SLC5A4: variants seen among roughly 807,000 people sequenced by gnomAD.
The protein encoded by SLC5A4 is solute carrier family 5 member 4.
A neutral mutation model predicts 70.3 loss-of-function variants in SLC5A4; 55 were observed. The ratio of observed to expected loss-of-function variants is 0.78; its 90% confidence interval spans 0.63 to 0.98. The LOEUF (loss-of-function observed/expected upper bound fraction) is 0.98. Ranked by LOEUF, SLC5A4 falls within the 50% of genes least tolerant of loss-of-function variation. The pLI is 0.00. For missense variants in SLC5A4, 735 were observed against 839.2 expected, an observed-to-expected ratio of 0.88 and a Z score of 1.53; for synonymous variants, 268 against 305.7, an observed-to-expected ratio of 0.88 and a Z score of 1.29.
At chr22:32,353,701 C>T in the SLC5A4 span, among the ~76,000 whole-genome samples, 5 of 152,026 alleles carry the variant, frequency 3.3e-5, no homozygotes, top group African/African-American at 1.2e-4. Flanking sequence ...CCAACCTGCC[C>T]TTGCTTCGGA....
chr22:32,271,385 T>G, the SLC5A4 span: 97 of 759,052 alleles, frequency 1.3e-4, no homozygotes, highest in Non-Finnish European at 2.0e-4. Flanking sequence ...AGAGCACACC[T>G]TACCTGCTGG....
At chr22:32,340,676 G>A in the SLC5A4 span, among the ~76,000 whole-genome samples, 1 of 152,148 alleles carries the variant, frequency 6.6e-6, no homozygotes, top group Admixed American at 6.6e-5. Context: ...TATCCCGGAG[G>A]GGAGAGGTCT....
At chr22:32,298,272 T>C in the SLC5A4 span, among the ~76,000 whole-genome samples, 1 of 136,618 alleles carries the variant, frequency 7.3e-6, no homozygotes, top group Non-Finnish European at 1.6e-5. Context: ...TCTCCCATTA[T>C]TAATGTGTGG....
the SLC5A4 span, among the ~76,000 whole-genome samples, chr22:32,354,290 C>A: frequency 6.7e-6 from 1 of 150,312 alleles, no homozygotes; most frequent in African/African-American, 2.5e-5. Flanking sequence ...CCCTCAACAC[C>A]CCCCTCCCTG....
chr22:32,285,380 AC>A, the SLC5A4 span, among the ~76,000 whole-genome samples: 1 of 152,192 alleles, frequency 6.6e-6, no homozygotes, highest in Non-Finnish European at 1.5e-5. Context: ...GCATAAGAGT[AC>A]CCTTTTCTCA....
the SLC5A4 span, chr22:32,343,215 C>T: frequency 6.6e-6 from 1 of 152,196 alleles, no homozygotes; most frequent in Non-Finnish European, 1.5e-5. Context: ...TTTTTCCTAA[C>T]CATCTTCCAG....
the SLC5A4 span, among the ~76,000 whole-genome samples, chr22:32,278,321 G>A: frequency 1.3e-5 from 2 of 152,198 alleles, no homozygotes; most frequent in African/African-American, 4.8e-5. Context: ...AACTGTTTAT[G>A]AGTGGTGTTT....
chr22:32,338,046 A>T, the SLC5A4 span, among the ~76,000 whole-genome samples: 1 of 150,190 alleles, frequency 6.7e-6, no homozygotes, highest in Non-Finnish European at 1.5e-5. Flanking sequence ...CATACTGGAT[A>T]TGTTTACTTG....
chr22:32,310,954 G>T, the SLC5A4 span, among the ~76,000 whole-genome samples: 1 of 152,196 alleles, frequency 6.6e-6, no homozygotes, highest in Admixed American at 6.5e-5. Context: ...CCAGCCACCT[G>T]GCTTTCTTAT....
the SLC5A4 span, among the ~76,000 whole-genome samples, chr22:32,330,965 G>GGGAGCTGTGGGTTGTATGC: frequency 5.9e-5 from 3 of 50,744 alleles, no homozygotes; most frequent in Non-Finnish European, 7.7e-5. Context: ...TGTGTGTGTT[G>GGGAGCTGTGGGTTGTATGC]GGGGCACTGG....
chr22:32,303,998 G>A, the SLC5A4 span, among the ~76,000 whole-genome samples: 1 of 152,292 alleles, frequency 6.6e-6, no homozygotes, highest in Admixed American at 6.5e-5. Context: ...CATTCTAATA[G>A]GTGTGTCATG....
chr22:32,255,047 A>G, intron 1 of SLC5A4, 148 bp downstream of exon 1: 1 of 774,422 alleles, frequency 1.3e-6, no homozygotes, highest in Non-Finnish European at 2.2e-6. Context: ...GTTCATTGTA[A>G]GCGTTATTTA....
chr22:32,281,323 A>C, the SLC5A4 span, among the ~76,000 whole-genome samples: 2 of 152,160 alleles, frequency 1.3e-5, no homozygotes, highest in Non-Finnish European at 2.9e-5. Context: ...ACGGGGCCGC[A>C]TCTGAGCAAG....
the SLC5A4 span, among the ~76,000 whole-genome samples, chr22:32,346,046 A>G: frequency 6.6e-6 from 1 of 152,210 alleles, no homozygotes; most frequent in Non-Finnish European, 1.5e-5. Context: ...CCTCCAATAC[A>G]GATCTGCTAG....
In SLC5A4 at chr22:32,219,630, C is replaced by CAAAAAAAAAAAAA; in HGVS notation, c.1769-918_1769-906dup. ...ATGAATGAGTTAATATCCAACTTAG[C>CAAAAAAAAAAAAA]AAAAAAAAAAAAAAAAAAAAAAGAA... is the stretch of plus-strand genomic sequence containing the variant. On this transcript the variant is annotated intron_variant, in intron 14 of 14. Coordinates refer to ENST00000266086, the MANE Select transcript of SLC5A4 (RefSeq NM_014227.3). Among the ~76,000 whole-genome samples the CAAAAAAAAAAAAA allele has an allele frequency of 3.9e-3, 112 of 28,858 alleles. 1 individual carries two copies. The highest frequency in any genetic ancestry group is 4.9e-3 in the African/African-American group (19 of 3,882). The allele number at this position is 28,858 out of a possible 152,430, so 18.9% of individuals were successfully genotyped here.
At chr22:32,345,795 A>C in the SLC5A4 span, among the ~76,000 whole-genome samples, 1 of 152,218 alleles carries the variant, frequency 6.6e-6, no homozygotes, top group Non-Finnish European at 1.5e-5. Flanking sequence ...CAAAGGTCTA[A>C]AGATTTACAA....
the SLC5A4 span, among the ~76,000 whole-genome samples, chr22:32,281,443 AGTCT>A: frequency 6.6e-6 from 1 of 152,232 alleles, no homozygotes; most frequent in Non-Finnish European, 1.5e-5. Context: ...ACCAGGGAGC[AGTCT>A]GTCTGTTTTG....
the SLC5A4 span, among the ~76,000 whole-genome samples, chr22:32,335,639 C>T: frequency 6.6e-6 from 1 of 152,214 alleles, no homozygotes; most frequent in African/African-American, 2.4e-5. Context: ...AGCTGGGCAG[C>T]ACGGAGTCCG....
At chr22:32,311,399 CACTA>C in the SLC5A4 span, among the ~76,000 whole-genome samples, 1 of 152,200 alleles carries the variant, frequency 6.6e-6, no homozygotes, top group Non-Finnish European at 1.5e-5. Context: ...GATTTGGTAT[CACTA>C]ACACCCATGG....
Sources: gnomAD v4.1 joint callset for allele counts (sites outside exome capture counted in the v4.1 genomes callset) on GRCh38, gnomAD v4.1.1 for gene constraint, MANE v1.5 for transcripts, NCBI Gene and HGNC (gene_info 2026-07-23, HGNC 2026-07-21) for gene names.